Variants in RANBP2 observed in about 807,000 individuals in gnomAD.
RANBP2 encodes the protein RAN binding protein 2.
A neutral mutation model predicts 303.6 loss-of-function variants in RANBP2; 57 were observed. That is an observed-to-expected ratio of 0.19 (90% CI 0.15 to 0.23). RANBP2 has a LOEUF of 0.23. Among genes scored for constraint, RANBP2 ranks in the 10% least tolerant of loss-of-function variants. The pLI is 1.00. For synonymous variants in RANBP2, 1,167 were observed against 1,301.5 expected, an observed-to-expected ratio of 0.90 and a Z score of 2.23; for missense variants, 3,138 against 3,780.8, an observed-to-expected ratio of 0.83 and a Z score of 4.46.
At chr2:109,256,034 C>T in the RANBP2 span, among the ~76,000 whole-genome samples, 21 of 152,176 alleles carry the variant, frequency 1.4e-4, no homozygotes, top group Non-Finnish European at 2.8e-4. Flanking sequence ...TCTTACTGTC[C>T]TCTTTTTCCT....
At chr2:109,574,884 T>C in the RANBP2 span, 5 of 586,528 alleles carry the variant, frequency 8.5e-6, no homozygotes, top group Non-Finnish European at 1.3e-5. Context: ...TTAATATCTA[T>C]GCTGAACAGA....
chr2:108,908,961 A>C, the RANBP2 span, among the ~76,000 whole-genome samples: 1 of 152,184 alleles, frequency 6.6e-6, no homozygotes, highest in Non-Finnish European at 1.5e-5. Flanking sequence ...GGTAGGACCC[A>C]TCCCTGTCCC....
At chr2:108,796,547 T>C in the RANBP2 span, among the ~76,000 whole-genome samples, 1 of 152,204 alleles carries the variant, frequency 6.6e-6, no homozygotes, top group African/African-American at 2.4e-5. Flanking sequence ...ATTGCAGCTC[T>C]GTTCATAATA....
chr2:108,851,097 A>G, the RANBP2 span, among the ~76,000 whole-genome samples: 2 of 152,134 alleles, frequency 1.3e-5, no homozygotes, highest in South Asian at 4.1e-4. Context: ...GGAGTAGCTC[A>G]TAGAACTCAG....
chr2:109,353,692 C>T, the RANBP2 span, among the ~76,000 whole-genome samples: 1 of 151,102 alleles, frequency 6.6e-6, no homozygotes, highest in South Asian at 2.1e-4. Flanking sequence ...AGACTGCGTG[C>T]CCAATGCCAG....
chr2:109,377,811 G>A, the RANBP2 span, among the ~76,000 whole-genome samples: 3 of 152,074 alleles, frequency 2.0e-5, no homozygotes, highest in Non-Finnish European at 2.9e-5. Flanking sequence ...CTGTAGCACC[G>A]GTGCCTCCTT....
the RANBP2 span, among the ~76,000 whole-genome samples, chr2:109,095,934 C>T: frequency 2.0e-4 from 31 of 152,138 alleles, no homozygotes; most frequent in Admixed American, 6.5e-4. Context: ...CAGGGAAAAA[C>T]GGGAGGTGAG....
At chr2:108,840,071 G>A in the RANBP2 span, among the ~76,000 whole-genome samples, 21 of 151,994 alleles carry the variant, frequency 1.4e-4, no homozygotes, top group Non-Finnish European at 1.0e-4. Flanking sequence ...ATCATGAATC[G>A]TGTTGAATTT....
chr2:109,540,380 T>C, the RANBP2 span, among the ~76,000 whole-genome samples: 1 of 152,174 alleles, frequency 6.6e-6, no homozygotes, highest in African/African-American at 2.4e-5. Context: ...TAAGTGTGGA[T>C]CTGTATTTTC....
chr2:109,155,943 C>G, the RANBP2 span, among the ~76,000 whole-genome samples: 1 of 152,166 alleles, frequency 6.6e-6, no homozygotes, highest in Non-Finnish European at 1.5e-5. Context: ...GTTTCCTTGG[C>G]AACTCAGGAT....
the RANBP2 span, among the ~76,000 whole-genome samples, chr2:108,950,020 A>G: frequency 9.8e-5 from 15 of 152,318 alleles, no homozygotes; most frequent in South Asian, 8.3e-4. Context: ...CAATTGTCAG[A>G]TGGTTTATTC....
the RANBP2 span, among the ~76,000 whole-genome samples, chr2:109,091,555 C>G: frequency 6.6e-6 from 1 of 152,204 alleles, no homozygotes; most frequent in Non-Finnish European, 1.5e-5. Flanking sequence ...TTGATAAAAT[C>G]GGCTCTGTCT....
the RANBP2 span, among the ~76,000 whole-genome samples, chr2:108,999,817 GAAGT>G: frequency 1.3e-5 from 2 of 152,156 alleles, no homozygotes; most frequent in African/African-American, 4.8e-5. Context: ...GGGGAGAAAT[GAAGT>G]AAGACTGGAT....
chr2:109,420,248 T>C, the RANBP2 span, among the ~76,000 whole-genome samples: 1 of 152,212 alleles, frequency 6.6e-6, no homozygotes, highest in Non-Finnish European at 1.5e-5. Context: ...TCTGAAGAAT[T>C]AGACTCCCTT....
At chr2:109,438,727 C>T in the RANBP2 span, among the ~76,000 whole-genome samples, 2 of 152,130 alleles carry the variant, frequency 1.3e-5, no homozygotes, top group Non-Finnish European at 2.9e-5. Flanking sequence ...TTTCTGGTAG[C>T]CTCTAGCTGG....
At chr2:109,282,461 T>C in the RANBP2 span, among the ~76,000 whole-genome samples, 1 of 152,264 alleles carries the variant, frequency 6.6e-6, no homozygotes, top group South Asian at 2.1e-4. Flanking sequence ...TGCCAGGTCA[T>C]GAGCACTGCA....
the RANBP2 span, among the ~76,000 whole-genome samples, chr2:109,249,780 C>T: frequency 2.6e-5 from 4 of 151,870 alleles, no homozygotes; most frequent in South Asian, 8.3e-4. Flanking sequence ...CCTCAGCCTC[C>T]TGAGTAGCTG....
the RANBP2 span, among the ~76,000 whole-genome samples, chr2:109,581,447 A>C: frequency 1.3e-4 from 20 of 152,134 alleles, no homozygotes; most frequent in African/African-American, 1.7e-4. Context: ...AAAAAAAAAA[A>C]CAAAAAAAAT....
At chr2:109,232,581 G>A in the RANBP2 span, among the ~76,000 whole-genome samples, 3 of 152,148 alleles carry the variant, frequency 2.0e-5, no homozygotes, top group African/African-American at 7.2e-5. Context: ...ATGCCTAAAA[G>A]GAGACCAACT....
Sources: allele counts gnomAD v4.1 joint callset (sites outside exome capture counted in the v4.1 genomes callset), GRCh38; gene constraint gnomAD v4.1.1; transcripts MANE v1.5; gene names NCBI Gene and HGNC (gene_info 2026-07-23, HGNC 2026-07-21).